GRAP2: variants seen among roughly 807,000 people sequenced by gnomAD.
The protein encoded by GRAP2 is GRB2-related adapter protein 2.
A neutral mutation model predicts 43.5 loss-of-function variants in GRAP2; 31 were observed. The observed-to-expected ratio is 0.71, with a 90% CI of 0.54 to 0.96. The LOEUF is 0.96. GRAP2 is among the 40% of genes least tolerant of loss of function. The probability of loss-of-function intolerance (pLI) is 0.00; values close to 1 mark genes in which losing one functional copy is unlikely to be tolerated. For missense variants in GRAP2, 371 were observed against 424.4 expected (o/e 0.87, Z 1.11); for synonymous variants, 156 against 164.8 (o/e 0.95, Z 0.41).
chr22:39,926,342 T>C (rs1173545723), intron 1 of GRAP2, among the ~76,000 whole-genome samples: 3 of 152,066 alleles, frequency 2.0e-5, no homozygotes, highest in Non-Finnish European at 1.5e-5. Context: ...ATGTGAAGTG[T>C]TAACATGCAC....
intron 4 of GRAP2, among the ~76,000 whole-genome samples, chr22:39,961,749 C>T (rs2067122117): frequency 6.6e-6 from 1 of 152,184 alleles, no homozygotes; most frequent in Non-Finnish European, 1.5e-5. Context: ...TACAGCAAAA[C>T]CTTACTGTCA....
chr22:39,939,614 C>G (rs987785127), intron 1 of GRAP2, among the ~76,000 whole-genome samples: 3 of 147,572 alleles, frequency 2.0e-5, no homozygotes. Context: ...CTTGGGAGGT[C>G]CAATTAAGCA....
At chr22:39,958,805 G>A (rs986062766) in intron 3 of GRAP2, among the ~76,000 whole-genome samples, 2 of 152,120 alleles carry the variant, frequency 1.3e-5, no homozygotes, top group African/African-American at 4.8e-5. Flanking sequence ...GGTGTGTGTG[G>A]TGGCCTCTTG....
At chr22:39,930,757 C>G (rs971970742) in intron 1 of GRAP2, among the ~76,000 whole-genome samples, 2 of 152,184 alleles carry the variant, frequency 1.3e-5, no homozygotes, top group African/African-American at 4.8e-5. Flanking sequence ...TGATCTGCCC[C>G]CAGTCCAATC....
At chr22:39,964,088 T>C (rs780608729) in intron 4 of GRAP2, 3 of 331,998 alleles carry the variant, frequency 9.0e-6, no homozygotes, top group Non-Finnish European at 1.6e-5. Flanking sequence ...GACCTTTCTT[T>C]TACATCAGGC....
At chr22:39,967,751 C>T (rs1388668737) in intron 5 of GRAP2, among the ~76,000 whole-genome samples, 1 of 152,150 alleles carries the variant, frequency 6.6e-6, no homozygotes, top group African/African-American at 2.4e-5. Context: ...AGCTTGATTA[C>T]ACAGAGAAAA....
intron 1 of GRAP2, among the ~76,000 whole-genome samples, chr22:39,924,720 C>CAATGT (rs2066682668): frequency 6.6e-6 from 1 of 151,962 alleles, no homozygotes; most frequent in Non-Finnish European, 1.5e-5. Context: ...AAAGAAGTGA[C>CAATGT]AATGTAGGAT....
intron 2 of GRAP2, chr22:39,948,056 G>A (rs968298086): frequency 2.6e-5 from 4 of 151,878 alleles, no homozygotes; most frequent in Admixed American, 6.6e-5. Context: ...CTTCTCGGAC[G>A]CCCAGCAACA....
intron 2 of GRAP2, among the ~76,000 whole-genome samples, chr22:39,949,859 A>C (rs975314452): frequency 7.2e-5 from 11 of 151,896 alleles, no homozygotes; most frequent in African/African-American, 2.7e-4. Flanking sequence ...TGACCTCATT[A>C]CCTCTTGTCT....
chr22:39,967,922 C>A, intron 5 of GRAP2, 120 bp from the exon 6 acceptor site: 1 of 1,285,058 alleles, frequency 7.8e-7, no homozygotes. Flanking sequence ...CTGCCCCCAC[C>A]CCACCAGCTA....
intron 3 of GRAP2, among the ~76,000 whole-genome samples, chr22:39,956,205 T>C (rs1299090904): frequency 2.0e-5 from 3 of 151,574 alleles, no homozygotes; most frequent in Non-Finnish European, 2.9e-5. Flanking sequence ...TCACCCAGGC[T>C]GGAGTGCGGT....
At chr22:39,965,492 C>A (rs897755622) in intron 4 of GRAP2, among the ~76,000 whole-genome samples, 1 of 152,172 alleles carries the variant, frequency 6.6e-6, no homozygotes, top group African/African-American at 2.4e-5. Flanking sequence ...TCAAGAGATC[C>A]TTATTACATA....
At chr22:39,922,780 C>T (rs781153202) in intron 1 of GRAP2, among the ~76,000 whole-genome samples, 4 of 152,100 alleles carry the variant, frequency 2.6e-5, no homozygotes, top group Non-Finnish European at 5.9e-5. Context: ...CGGTGGCTCG[C>T]GCCTGTAATC....
In GRAP2 at chr22:39,972,300, G is replaced by A. The variant is rs1481746921; in HGVS notation, c.*1216G>A. On this transcript the variant is annotated 3_prime_UTR_variant, in exon 8 of 8. Transcript: ENST00000344138. ...AGAGAGGAAGCTCAGGGCCTTAGGGGAGGCCGGGTGCAAACCCGTTCTGCA... is the reference window on the plus strand; with the variant it reads ...AGAGAGGAAGCTCAGGGCCTTAGGGAAGGCCGGGTGCAAACCCGTTCTGCA... 6.6e-6 allele frequency: 1 copy of A among 152,506 alleles called. No individual in the cohort carries two copies. The allele number at this position is 152,506 out of a possible 1,614,324, so 9.4% of individuals were successfully genotyped here.
Position 39,968,178 on chromosome 22 carries a change from A to G in GRAP2, c.596A>G (p.Gln199Arg). 6.2e-7 allele frequency: 1 copy of G among 1,610,452 alleles called. No individual in the cohort carries two copies. The highest frequency in any genetic ancestry group is 8.5e-7 in the Non-Finnish European group (1 of 1,178,214). Reference sequence around the variant, plus strand: ...CCGACCCTTCCCCTGCAGCAGCACCAGCACCAGCCACAGCCTCCGCAATAT... The same window carrying G: ...CCGACCCTTCCCCTGCAGCAGCACCGGCACCAGCCACAGCCTCCGCAATAT... ...HPPTLPLQQH[Q>R]HQPQPPQYAP... The change falls in exon 6 of 8, where the codon CAG becomes CGG. Residue 199 changes from glutamine (Q) to arginine (R), a missense_variant. Coordinates refer to ENST00000344138, the MANE Select transcript of GRAP2 (RefSeq NM_004810.4).
chr22:39,921,775 A>G (rs899640504), intron 1 of GRAP2, among the ~76,000 whole-genome samples: 1 of 152,218 alleles, frequency 6.6e-6, no homozygotes. Flanking sequence ...TCAAATGTTT[A>G]AAACCCATTG....
intron 1 of GRAP2, among the ~76,000 whole-genome samples, chr22:39,944,967 A>G (rs2066907273): frequency 6.6e-6 from 1 of 152,218 alleles, no homozygotes; most frequent in South Asian, 2.1e-4. Flanking sequence ...ACCACTGTCT[A>G]CTGTTGATAC....
chr22:39,897,734 G>A (rs920032875), upstream of GRAP2, among the ~76,000 whole-genome samples: 1 of 151,998 alleles, frequency 6.6e-6, no homozygotes, highest in African/African-American at 2.4e-5. Context: ...GATCAGGATG[G>A]TCTCAAACTC....
chr22:39,915,950 A>G (rs1202850233), intron 1 of GRAP2, among the ~76,000 whole-genome samples: 1 of 152,140 alleles, frequency 6.6e-6, no homozygotes, highest in Non-Finnish European at 1.5e-5. Context: ...CTGAGAGCAT[A>G]CACTCTCTTC....
Sources: allele counts gnomAD v4.1 joint callset (sites outside exome capture counted in the v4.1 genomes callset), GRCh38; gene constraint gnomAD v4.1.1; transcripts MANE v1.5; gene names NCBI Gene and HGNC (gene_info 2026-07-23, HGNC 2026-07-21).